Variants in NTM observed in about 807,000 individuals in gnomAD.
NTM encodes the protein IgLON family member 2.
Under a neutral mutation model 42.1 loss-of-function variants are expected in NTM, and 13 were observed. That is an observed-to-expected ratio of 0.31 (90% CI 0.20 to 0.49). The LOEUF is 0.49. Ranked by LOEUF, NTM falls within the 20% of genes least tolerant of loss-of-function variation. NTM has a pLI of 0.99. For synonymous variants in NTM, 187 were observed against 179.2 expected, an observed-to-expected ratio of 1.04 and a Z score of -0.35; for missense variants, 373 against 452.8, an observed-to-expected ratio of 0.82 and a Z score of 1.60.
At chr11:132,147,969 A>T (rs1278341659) in intron 3 of NTM, among the ~76,000 whole-genome samples, 1 of 152,168 alleles carries the variant, frequency 6.6e-6, no homozygotes, top group Non-Finnish European at 1.5e-5. Context: ...CAGGGTGAGC[A>T]GGACTGAGAG....
chr11:132,318,107 G>A (rs752119177), intron 7 of NTM, among the ~76,000 whole-genome samples: 5 of 152,112 alleles, frequency 3.3e-5, no homozygotes, highest in Admixed American at 6.5e-5. Flanking sequence ...TCTGTCAAAC[G>A]CATCAACTGG....
chr11:132,314,823 G>A (rs372194685), intron 7 of NTM, 120 bp downstream of exon 7: 5 of 1,391,872 alleles, frequency 3.6e-6, no homozygotes, highest in African/African-American at 2.9e-5. Context: ...GACATGGAGA[G>A]GGAGGAAAAA....
At chr11:131,761,773 CA>C (rs2135808534) in intron 1 of NTM, among the ~76,000 whole-genome samples, 1 of 151,856 alleles carries the variant, frequency 6.6e-6, no homozygotes, top group African/African-American at 2.4e-5. Flanking sequence ...AGCGCCATTG[CA>C]CTCCAGCCTG....
At chr11:132,230,136 A>C (rs759932315) in intron 4 of NTM, among the ~76,000 whole-genome samples, 3 of 152,208 alleles carry the variant, frequency 2.0e-5, no homozygotes, top group African/African-American at 4.8e-5. Context: ...AGAGAGAGGA[A>C]GCTGAGCCCT....
intron 1 of NTM, among the ~76,000 whole-genome samples, chr11:131,430,765 G>A (rs1948583518): frequency 6.6e-6 from 1 of 152,216 alleles, no homozygotes; most frequent in African/African-American, 2.4e-5. Flanking sequence ...GGCCTTGCCT[G>A]TTTTCCTCTG....
At chr11:131,502,573 C>T (rs140656670) in intron 1 of NTM, among the ~76,000 whole-genome samples, 4 of 152,166 alleles carry the variant, frequency 2.6e-5, no homozygotes, top group South Asian at 2.1e-4. Context: ...AGTGAGGAGT[C>T]GGGGCCCATG....
chr11:131,827,795 C>T (rs1033354439), intron 1 of NTM, among the ~76,000 whole-genome samples: 3 of 152,188 alleles, frequency 2.0e-5, no homozygotes, highest in Non-Finnish European at 4.4e-5. Context: ...TAACTTGTCA[C>T]ATTCTAACAA....
chr11:131,670,789 C>T (rs2070057264), intron 1 of NTM, among the ~76,000 whole-genome samples: 1 of 152,210 alleles, frequency 6.6e-6, no homozygotes, highest in Admixed American at 6.5e-5. Context: ...TCTTGGAGGC[C>T]TCAGATCTAG....
At chr11:131,885,231 A>G (rs2050192509) in intron 1 of NTM, among the ~76,000 whole-genome samples, 1 of 152,212 alleles carries the variant, frequency 6.6e-6, no homozygotes, top group Non-Finnish European at 1.5e-5. Context: ...CACTGGGTAT[A>G]CAACAGCAAA....
At position 131,370,709 on chromosome 11, in the gene NTM, C is replaced by A; in HGVS notation, c.-98C>A. On this transcript the variant is annotated 5_prime_UTR_variant, in exon 1 of 9. Coordinates refer to ENST00000683400, the MANE Select transcript of NTM (RefSeq NM_001352005.2). ...TCAGCAAAACAGTGGATTTAAATCT[C>A]CTTGCACAAGCTTGAGAGCAACACA... 9.6e-7 allele frequency: 1 copy of A among 1,039,120 alleles called. No individual in the cohort carries two copies. The highest frequency in any genetic ancestry group is 1.4e-6 in the Non-Finnish European group (1 of 703,036). The allele number at this position is 1,039,120 out of a possible 1,614,324, so 64.4% of individuals were successfully genotyped here. A position where few individuals can be genotyped will look rare whatever the true frequency, so the allele number is the denominator to read the frequency against.
intron 1 of NTM, among the ~76,000 whole-genome samples, chr11:131,754,111 ATC>A (rs1355097364): frequency 8.3e-6 from 1 of 121,114 alleles, no homozygotes; most frequent in Non-Finnish European, 1.6e-5. Context: ...GAAGGGGAAT[ATC>A]ACACACCGGG....
At chr11:131,907,285 T>C (rs923973294) in intron 1 of NTM, among the ~76,000 whole-genome samples, 2 of 152,208 alleles carry the variant, frequency 1.3e-5, no homozygotes, top group Non-Finnish European at 2.9e-5. Context: ...CAACAGCTAA[T>C]TTCTCTTTCA....
At chr11:132,032,105 T>C (rs1304010145) in intron 2 of NTM, among the ~76,000 whole-genome samples, 2 of 152,200 alleles carry the variant, frequency 1.3e-5, no homozygotes, top group African/African-American at 4.8e-5. Context: ...GTGGACTCTA[T>C]GCTGCTGACT....
intron 1 of NTM, among the ~76,000 whole-genome samples, chr11:131,480,965 A>T (rs185659162): frequency 6.6e-6 from 1 of 152,182 alleles, no homozygotes; most frequent in Non-Finnish European, 1.5e-5. Context: ...ATTAATGGCA[A>T]TGTGCAGATG....
intron 1 of NTM, among the ~76,000 whole-genome samples, chr11:131,798,608 T>C (rs1171319917): frequency 6.6e-6 from 1 of 152,262 alleles, no homozygotes; most frequent in Non-Finnish European, 1.5e-5. Context: ...CAATAAACTT[T>C]CTTTATTCCT....
chr11:131,895,592 A>T (rs188889800), intron 1 of NTM, among the ~76,000 whole-genome samples: 8 of 152,276 alleles, frequency 5.3e-5, no homozygotes, highest in African/African-American at 1.7e-4. Context: ...TCTACAGTCC[A>T]TTACAATGTA....
At chr11:132,004,025 G>A (rs1410313809) in intron 2 of NTM, among the ~76,000 whole-genome samples, 1 of 152,112 alleles carries the variant, frequency 6.6e-6, no homozygotes, top group East Asian at 1.9e-4. Context: ...TTTGATTGCT[G>A]TGGTCCCAGT....
rs2058564542 is a variant in NTM, at chr11:132,077,852, C to T, written c.168-68430C>T. On this transcript the variant is annotated intron_variant, in intron 2 of 8. Coordinates refer to ENST00000683400, the MANE Select transcript of NTM (RefSeq NM_001352005.2). ...CTTGCCTCAAGCAATCCTCTTGCCT[C>T]AGCCTCTGGAAGGGCTGGGATTACA... Among the ~76,000 whole-genome samples, 3 of 152,214 alleles carry T rather than the reference C, an allele frequency of 2.0e-5. No homozygotes were observed. In the South Asian group the frequency reaches 6.2e-4, roughly 32 times the overall value.
At chr11:131,916,471 G>A (rs545492717) in intron 2 of NTM, among the ~76,000 whole-genome samples, 17 of 152,236 alleles carry the variant, frequency 1.1e-4, no homozygotes, top group South Asian at 4.2e-4. Context: ...TGTTTTTCCC[G>A]GGTGAGTTAG....
Sources: gnomAD v4.1 joint callset for allele counts (sites outside exome capture counted in the v4.1 genomes callset) on GRCh38, gnomAD v4.1.1 for gene constraint, MANE v1.5 for transcripts, NCBI Gene and HGNC (gene_info 2026-07-23, HGNC 2026-07-21) for gene names.